Variants in NMU observed in about 807,000 individuals in gnomAD.
NMU encodes neuromedin U.
In NMU, 29 loss-of-function variants were observed where a neutral mutation model predicts 35.4. That is an observed-to-expected ratio of 0.82 (90% CI 0.61 to 1.12). NMU has a LOEUF of 1.12. Among genes scored for constraint, NMU ranks in the 50% most tolerant of loss-of-function variants. NMU has a pLI of 0.00. For missense variants in NMU, 199 were observed against 206.2 expected, an observed-to-expected ratio of 0.97 and a Z score of 0.21; for synonymous variants, 78 against 81.3, an observed-to-expected ratio of 0.96 and a Z score of 0.22.
At chr4:55,618,697 CTCTTCTTTCT>C (rs1734217041) in intron 2 of NMU, among the ~76,000 whole-genome samples, 1 of 71,760 alleles carries the variant, frequency 1.4e-5, no homozygotes, top group African/African-American at 4.2e-5. Context: ...TTTCTTCTCT[CTCTTCTTTCT>C]TTTTCTTTCT....
chr4:55,607,800 T>C (rs1733753159), intron 4 of NMU, among the ~76,000 whole-genome samples: 1 of 152,218 alleles, frequency 6.6e-6, no homozygotes. Context: ...AGGAGAAGAC[T>C]GAAAGAATCA....
At chr4:55,606,321 G>T (rs139199895) in intron 6 of NMU, among the ~76,000 whole-genome samples, 1 of 152,196 alleles carries the variant, frequency 6.6e-6, no homozygotes, top group East Asian at 1.9e-4. Flanking sequence ...ACACCAAGTA[G>T]GTTGGTTAAC....
At chr4:55,619,781 T>A (rs1295666230) in intron 2 of NMU, among the ~76,000 whole-genome samples, 1 of 145,070 alleles carries the variant, frequency 6.9e-6, no homozygotes, top group South Asian at 2.4e-4. Context: ...CAGCTTTGAA[T>A]AGAGCAGTGG....
intron 2 of NMU, among the ~76,000 whole-genome samples, chr4:55,624,335 A>G (rs1266254414): frequency 3.6e-5 from 3 of 82,246 alleles, no homozygotes; most frequent in Non-Finnish European, 7.6e-5. Flanking sequence ...AAAACAAACA[A>G]CCCCATCAAA....
At chr4:55,619,857 C>G (rs879452923) in intron 2 of NMU, among the ~76,000 whole-genome samples, 6 of 134,586 alleles carry the variant, frequency 4.5e-5, no homozygotes, top group Non-Finnish European at 8.2e-5. Flanking sequence ...GTCCCTGACC[C>G]CTGACCCCCG....
At chr4:55,619,016 A>C (rs1186684424) in intron 2 of NMU, among the ~76,000 whole-genome samples, 1 of 151,602 alleles carries the variant, frequency 6.6e-6, no homozygotes, top group Admixed American at 6.6e-5. Context: ...ACCACAGGCA[A>C]GCACCACCAT....
intron 3 of NMU, among the ~76,000 whole-genome samples, chr4:55,614,156 A>G (rs1162286955): frequency 1.3e-5 from 2 of 152,116 alleles, no homozygotes; most frequent in African/African-American, 4.8e-5. Flanking sequence ...ATAATTTCAC[A>G]AGTTTCAAAA....
At chr4:55,614,318 CA>C in intron 3 of NMU, among the ~76,000 whole-genome samples, 1 of 151,912 alleles carries the variant, frequency 6.6e-6, no homozygotes, top group African/African-American at 2.4e-5. Flanking sequence ...TCAGTAAAAC[CA>C]TATTTATATG....
At chr4:55,614,883 A>G (rs1734058814) in intron 3 of NMU, among the ~76,000 whole-genome samples, 1 of 152,248 alleles carries the variant, frequency 6.6e-6, no homozygotes, top group Admixed American at 6.5e-5. Context: ...ATAATTTGAA[A>G]TATTGTTCAA....
chr4:55,630,526 A>G, intron 1 of NMU, 66 bp from the exon 2 acceptor site: 1 of 1,238,180 alleles, frequency 8.1e-7, no homozygotes, highest in Middle Eastern at 2.4e-4. Flanking sequence ...ATATCCATAT[A>G]TAATTCTTTC....
chr4:55,632,689 G>A (rs1342303241), intron 1 of NMU, among the ~76,000 whole-genome samples: 1 of 152,138 alleles, frequency 6.6e-6, no homozygotes, highest in Non-Finnish European at 1.5e-5. Flanking sequence ...ATGAGATTCT[G>A]TTTGACACAG....
At chr4:55,631,129 C>G (rs755310834) in intron 1 of NMU, among the ~76,000 whole-genome samples, 5 of 152,048 alleles carry the variant, frequency 3.3e-5, no homozygotes, top group Non-Finnish European at 7.4e-5. Flanking sequence ...AAGCCACATA[C>G]AGAAGAATGA....
intron 2 of NMU, among the ~76,000 whole-genome samples, chr4:55,628,878 G>A (rs1025735383): frequency 4.0e-5 from 6 of 151,796 alleles, no homozygotes; most frequent in Non-Finnish European, 8.8e-5. Context: ...GCTTATTAAT[G>A]TTTTTAAATT....
intron 3 of NMU, among the ~76,000 whole-genome samples, chr4:55,613,060 A>C (rs1188453096): frequency 6.6e-6 from 1 of 152,172 alleles, no homozygotes. Context: ...GGAACAGAAA[A>C]CCAAATACCA....
chr4:55,628,918 T>TA (rs1294696414), intron 2 of NMU, among the ~76,000 whole-genome samples: 1 of 152,204 alleles, frequency 6.6e-6, no homozygotes, highest in East Asian at 1.9e-4. Context: ...TATATGAAGC[T>TA]AAAATTTCTC....
intron 8 of NMU, 62 bp downstream of exon 8, chr4:55,600,460 C>T: frequency 9.3e-7 from 1 of 1,074,078 alleles, no homozygotes; most frequent in Non-Finnish European, 1.4e-6. Flanking sequence ...GTTAAATACA[C>T]AGGGAACATA....
At chr4:55,615,742 C>G (rs1378173654) in intron 3 of NMU, among the ~76,000 whole-genome samples, 1 of 152,122 alleles carries the variant, frequency 6.6e-6, no homozygotes, top group Non-Finnish European at 1.5e-5. Flanking sequence ...CACCCAGGTA[C>G]TAAATCTAGT....
Position 55,604,070 on chromosome 4 carries a change from C to T in NMU, c.435+1205G>A, listed in dbSNP as rs1340760625. On this transcript the variant is annotated intron_variant, in intron 7 of 9. Coordinates refer to ENST00000264218, the MANE Select transcript of NMU (RefSeq NM_006681.4). ...TGTTACAAGGGTTAGGATTTTTTTTCTTTTTTTTTTTTCGAGACAGAGTCT... is the reference window on the plus strand; with the variant it reads ...TGTTACAAGGGTTAGGATTTTTTTTTTTTTTTTTTTTTCGAGACAGAGTCT... Among the ~76,000 whole-genome samples the T allele has an allele frequency of 1.3e-4, 9 of 69,782 alleles. 2 individuals carry two copies. The highest frequency in any genetic ancestry group is 4.1e-4 in the East Asian group (1 of 2,456). 45.8% of individuals were successfully genotyped at this position (69,782 alleles called of 152,430 possible). A position where few individuals can be genotyped will look rare whatever the true frequency, so the allele number is the denominator to read the frequency against.
At chr4:55,635,522 AG>A (rs375050197) in intron 1 of NMU, among the ~76,000 whole-genome samples, 19 of 152,132 alleles carry the variant, frequency 1.2e-4, no homozygotes, top group African/African-American at 4.6e-4. Context: ...TAAGGCACAA[AG>A]CCCACTCCTT....
Sources: allele counts gnomAD v4.1 joint callset (sites outside exome capture counted in the v4.1 genomes callset), GRCh38; gene constraint gnomAD v4.1.1; transcripts MANE v1.5; gene names NCBI Gene and HGNC (gene_info 2026-07-23, HGNC 2026-07-21).